UGT1A3: variants seen among roughly 807,000 people sequenced by gnomAD.
UGT1A3 encodes UDP-glucuronosyltransferase 1A3.
A neutral mutation model predicts 41.0 loss-of-function variants in UGT1A3; 31 were observed. That is an observed-to-expected ratio of 0.76 (90% CI 0.57 to 1.02). UGT1A3 has a LOEUF of 1.02. UGT1A3 is among the 50% of genes least tolerant of loss of function. UGT1A3 has a pLI of 0.00. For synonymous variants in UGT1A3, 262 were observed against 257.6 expected (o/e 1.02, Z -0.17); for missense variants, 737 against 671.0 (o/e 1.10, Z -1.09).
intron 2 of UGT1A3, among the ~76,000 whole-genome samples, 198 bp downstream of exon 2, chr2:233,767,363 TTAAA>T (rs1699378447): frequency 6.6e-6 from 1 of 152,194 alleles, no homozygotes; most frequent in African/African-American, 2.4e-5. Context: ...AAATACTCTA[TTAAA>T]CTATGATCCA....
rs1206556766 is a variant in UGT1A3 at position 233,729,971 on chromosome 2, C to T, written c.845C>T (p.Ala282Val). ...NMVFIGGINC[A>V]NRKPLSQEFE... ...GTCTTCATTGGGGGCATCAACTGTGCCAACAGGAAGCCACTATCTCAGGTC... is the reference window on the plus strand; with the variant it reads ...GTCTTCATTGGGGGCATCAACTGTGTCAACAGGAAGCCACTATCTCAGGTC... The change falls in exon 1 of 5, where the codon GCC (alanine) becomes GTC (valine). Residue 282 changes from alanine to valine, a missense_variant. By Grantham distance (64) the Ala-to-Val change is moderately conservative (BLOSUM62 0). Coordinates refer to ENST00000482026, the MANE Select transcript of UGT1A3 (RefSeq NM_019093.4). 1 of 1,613,904 alleles carries T rather than the reference C, an allele frequency of 6.2e-7. No homozygotes were observed. The highest frequency in any genetic ancestry group is 8.5e-7 in the Non-Finnish European group (1 of 1,179,924).
chr2:233,750,385 TG>T (rs1415350157), intron 1 of UGT1A3, among the ~76,000 whole-genome samples: 2 of 151,950 alleles, frequency 1.3e-5, no homozygotes, highest in Non-Finnish European at 2.9e-5. Flanking sequence ...CATAAAAGTT[TG>T]GAAAATTTGC....
At chr2:233,762,315 G>A (rs565893517) in intron 1 of UGT1A3, among the ~76,000 whole-genome samples, 4 of 152,216 alleles carry the variant, frequency 2.6e-5, no homozygotes, top group Non-Finnish European at 4.4e-5. Flanking sequence ...TTAATGGGTC[G>A]AGAGTAATCC....
In UGT1A3 at chr2:233,729,717, A is replaced by G. The variant is rs147416875; in HGVS notation, c.591A>G (p.Leu197=). Reference sequence around the variant, plus strand: ...ACCCTTCCTCCTATATTCCTAGATTACTAACAACCAATTCAGACCACATGA... The same window carrying G: ...ACCCTTCCTCCTATATTCCTAGATTGCTAACAACCAATTCAGACCACATGA... ...CPNPSSYIPR[L]LTTNSDHMTF... Residue 197 remains leucine (L), a synonymous_variant, in exon 1 of 5, where the codon TTA becomes TTG. Transcript: ENST00000482026. 5.1e-5 allele frequency: 83 copies of G among 1,613,846 alleles called. 1 individual carries two copies. The highest frequency in any genetic ancestry group is 5.2e-5 in the Non-Finnish European group (61 of 1,179,886).
At chr2:233,738,596 A>G (rs545904932) in intron 1 of UGT1A3, among the ~76,000 whole-genome samples, 1 of 152,336 alleles carries the variant, frequency 6.6e-6, no homozygotes, top group East Asian at 1.9e-4. Flanking sequence ...CACTCTTGCT[A>G]AGCTTTAGCA....
At position 233,729,996 on chromosome 2, in the gene UGT1A3, C is replaced by A. The variant is rs766095782; in HGVS notation, c.867+3C>A. On this transcript the variant is annotated splice_donor_region_variant and intron_variant, in intron 1 of 4. Coordinates refer to ENST00000482026, the MANE Select transcript of UGT1A3 (RefSeq NM_019093.4). Reference sequence around the variant, plus strand: ...CCAACAGGAAGCCACTATCTCAGGTCTGTATTGGTGCCTTCATCCAATCAA... The same window carrying A: ...CCAACAGGAAGCCACTATCTCAGGTATGTATTGGTGCCTTCATCCAATCAA... 1.2e-6 allele frequency: 2 copies of A among 1,613,996 alleles called. No homozygotes were observed. Among genetic ancestry groups the A allele is most frequent in the Non-Finnish European group, 1.7e-6 (2 of 1,179,908 alleles).
chr2:233,743,837 G>T (rs371252305), intron 1 of UGT1A3: 2 of 1,367,128 alleles, frequency 1.5e-6, no homozygotes, highest in Non-Finnish European at 2.0e-6. Flanking sequence ...CCACTTGAGC[G>T]CCAGCTTGCG....
intron 1 of UGT1A3, among the ~76,000 whole-genome samples, chr2:233,764,582 C>G (rs1698598624): frequency 6.6e-6 from 1 of 152,122 alleles, no homozygotes; most frequent in South Asian, 2.1e-4. Context: ...TAGACTCGGC[C>G]TTTTCCAGAT....
intron 1 of UGT1A3, chr2:233,760,635 A>G (rs1697508597): frequency 6.2e-7 from 1 of 1,614,006 alleles, no homozygotes; most frequent in African/African-American, 1.3e-5. Context: ...ACAAGAAAAT[A>G]AAAAAGGACT....
chr2:233,730,856 C>T (rs1409792373), intron 1 of UGT1A3, among the ~76,000 whole-genome samples: 1 of 152,142 alleles, frequency 6.6e-6, no homozygotes, highest in Non-Finnish European at 1.5e-5. Flanking sequence ...TCACCAAACC[C>T]ACCCTACTGC....
chr2:233,743,711 C>T (rs765415857), intron 1 of UGT1A3: 10 of 1,367,266 alleles, frequency 7.3e-6, no homozygotes, highest in Non-Finnish European at 9.8e-6. Context: ...CCCCGCCTCG[C>T]CATAGCGGTC....
In UGT1A3 at chr2:233,729,145, G is replaced by T. The variant is rs564123639; in HGVS notation, c.19G>T (p.Val7Phe). 1.9e-6 allele frequency: 3 copies of T among 1,613,372 alleles called. No homozygotes were observed. The highest frequency in any genetic ancestry group is 2.5e-6 in the Non-Finnish European group (3 of 1,179,920). Residue 7 changes from valine (V) to phenylalanine (F), a missense_variant, in exon 1 of 5, where the codon GTT (valine) becomes TTT (phenylalanine). Physicochemically the swap from Val to Phe is conservative, Grantham distance 50. Coordinates refer to ENST00000482026, the MANE Select transcript of UGT1A3 (RefSeq NM_019093.4). MATGLQVPLPWLATGLL... is the reference protein window; with the variant it reads MATGLQFPLPWLATGLL... ...TGCTGAGATGGCCACAGGACTCCAG[G>T]TTCCCCTGCCGTGGCTGGCCACAGG... is the stretch of plus-strand genomic sequence containing the variant.
Position 233,729,420 on chromosome 2 carries a change from A to G in UGT1A3, c.294A>G (p.Gln98=), listed in dbSNP as rs2077855113. 9 of 1,613,854 alleles carry G rather than the reference A, an allele frequency of 5.6e-6. No homozygotes were observed. The highest frequency in any genetic ancestry group is 1.7e-4 in the Middle Eastern group (1 of 6,060). ...EFDRHVLGHT[Q]LYFETEHFLK... is the part of the protein sequence containing the mutation. Reference sequence around the variant, plus strand: ...ATCGCCATGTGCTGGGCCACACTCAACTGTACTTTGAAACAGAACATTTTC... The same window carrying G: ...ATCGCCATGTGCTGGGCCACACTCAGCTGTACTTTGAAACAGAACATTTTC... The change falls in exon 1 of 5, where the codon CAA becomes CAG. Residue 98 remains glutamine (Q), a synonymous_variant. Coordinates refer to ENST00000482026, the MANE Select transcript of UGT1A3 (RefSeq NM_019093.4).
At chr2:233,755,225 C>G (rs563873154) in intron 1 of UGT1A3, 4 of 974,952 alleles carry the variant, frequency 4.1e-6, no homozygotes, top group Non-Finnish European at 6.0e-6. Flanking sequence ...TACCCTCGGA[C>G]GAGGCCTACC....
At position 233,729,207 on chromosome 2, in the gene UGT1A3, G is replaced by C. The variant is rs6706232; in HGVS notation, c.81G>C (p.Glu27Asp). The C allele has an allele frequency of 6.2e-7, 1 of 1,613,766 alleles. No individual in the cohort carries two copies. The highest frequency in any genetic ancestry group is 8.5e-7 in the Non-Finnish European group (1 of 1,179,900). The change falls in exon 1 of 5, where the codon GAG (glutamate) becomes GAC (aspartate). Residue 27 changes from glutamate (E) to aspartate (D), a missense_variant. Transcript: ENST00000482026. The part of the protein sequence containing the change: ...LLLLSVQPWA[E>D]SGKVLVVPID... ...TCCTCAGTGTCCAGCCCTGGGCTGA[G>C]AGTGGAAAGGTGTTGGTGGTGCCCA...
chr2:233,754,879 C>T (rs1695622753), intron 1 of UGT1A3: 1 of 1,352,088 alleles, frequency 7.4e-7, no homozygotes, highest in South Asian at 1.1e-5. Flanking sequence ...CTTCTGCTTC[C>T]CAGGGAGTTC....
chr2:233,754,979 G>C lies in UGT1A3; in HGVS notation c.868-12055G>C, dbSNP rs541611005. 93 of 1,297,796 alleles carry C rather than the reference G, an allele frequency of 7.2e-5. No homozygotes were observed. In the African/African-American group the frequency reaches 1.2e-3, roughly 17 times the overall value. The allele number at this position is 1,297,796 out of a possible 1,614,324, so 80.4% of individuals were successfully genotyped here. A position where few individuals can be genotyped will look rare whatever the true frequency, so the allele number is the denominator to read the frequency against. On this transcript the variant is annotated intron_variant, in intron 1 of 4. Coordinates refer to ENST00000482026, the MANE Select transcript of UGT1A3 (RefSeq NM_019093.4). The stretch of plus-strand genomic sequence containing the variant: ...CGCCAAAGAACTCCCTGAAGACCTC[G>C]GCGGGGTCACGGAAGCTGAAGACCT...
chr2:233,768,127 A>G, intron 3 of UGT1A3, 93 bp from the exon 4 acceptor site: 1 of 1,605,192 alleles, frequency 6.2e-7, no homozygotes, highest in Admixed American at 1.7e-5. Flanking sequence ...TGTGAGTAAC[A>G]CTGAGTCTTT....
At chr2:233,736,476 GGTTT>G (rs1395913354) in intron 1 of UGT1A3, among the ~76,000 whole-genome samples, 2 of 152,080 alleles carry the variant, frequency 1.3e-5, no homozygotes, top group African/African-American at 2.4e-5. Flanking sequence ...AGCTTGGAGA[GGTTT>G]GTTACTACCA....
Sources: allele counts gnomAD v4.1 joint callset (sites outside exome capture counted in the v4.1 genomes callset), GRCh38; gene constraint gnomAD v4.1.1; transcripts MANE v1.5; gene names NCBI Gene and HGNC (gene_info 2026-07-23, HGNC 2026-07-21).